The following ACBD6 variants were observed in gnomAD, a reference collection of about 807,000 sequenced individuals.
ACBD6 encodes the protein acyl-CoA binding domain containing 6.
Under a neutral mutation model 37.2 loss-of-function variants are expected in ACBD6, and 28 were observed. That is an observed-to-expected ratio of 0.75 (90% CI 0.56 to 1.03). ACBD6 has a LOEUF of 1.03. Ranked by LOEUF, ACBD6 falls within the 50% of genes least tolerant of loss-of-function variation. ACBD6 has a pLI of 0.00. For missense variants in ACBD6, 340 were observed against 337.4 expected, an observed-to-expected ratio of 1.01 and a Z score of -0.06; for synonymous variants, 113 against 126.8, an observed-to-expected ratio of 0.89 and a Z score of 0.73.
At chr1:180,402,547 G>A (rs1453931708) in intron 5 of ACBD6, among the ~76,000 whole-genome samples, 4 of 152,080 alleles carry the variant, frequency 2.6e-5, no homozygotes, top group East Asian at 1.9e-4. Context: ...GGCTGGGTGC[G>A]GTGGCTCATG....
chr1:180,322,563 C>T lies in ACBD6; in HGVS notation c.664-7841G>A, dbSNP rs143853593. On this transcript the variant is annotated intron_variant, in intron 6 of 7. Coordinates refer to ENST00000367595, the MANE Select transcript of ACBD6 (RefSeq NM_032360.4). The stretch of plus-strand genomic sequence containing the variant: ...ACTGGTCTGTTAAGGTTTTGGATTT[C>T]TTCATGGTTCAATCTTGGTAGGTTG... Among the ~76,000 whole-genome samples the T allele has an allele frequency of 2.7e-3, 416 of 152,094 alleles. 6 individuals carry two copies. The highest frequency in any genetic ancestry group is 0.015 in the East Asian group (77 of 5,186).
chr1:180,456,823 G>A (rs939115491), intron 3 of ACBD6, among the ~76,000 whole-genome samples: 6 of 151,898 alleles, frequency 4.0e-5, no homozygotes, highest in African/African-American at 9.7e-5. Flanking sequence ...TCAGCCTCCC[G>A]GGCTCAAGTG....
intron 6 of ACBD6, among the ~76,000 whole-genome samples, chr1:180,351,459 G>A (rs1434688420): frequency 6.6e-6 from 1 of 151,738 alleles, no homozygotes; most frequent in East Asian, 1.9e-4. Context: ...GTATTTTTTA[G>A]TAGAGACAGG....
intron 6 of ACBD6, among the ~76,000 whole-genome samples, chr1:180,392,647 T>C (rs1243000068): frequency 6.6e-6 from 1 of 152,162 alleles, no homozygotes; most frequent in African/African-American, 2.4e-5. Flanking sequence ...CATAAAATTC[T>C]TGACACATAG....
intron 2 of ACBD6, among the ~76,000 whole-genome samples, chr1:180,494,556 T>C (rs1557894377): frequency 6.6e-6 from 1 of 152,200 alleles, no homozygotes; most frequent in African/African-American, 2.4e-5. Context: ...TCAAGCTCTG[T>C]ATCTCCTAAC....
chr1:180,300,687 G>A (rs1650095978), intron 7 of ACBD6, among the ~76,000 whole-genome samples: 1 of 152,038 alleles, frequency 6.6e-6, no homozygotes, highest in Admixed American at 6.6e-5. Context: ...AGAAACAGAA[G>A]TTCTAGATCA....
intron 7 of ACBD6, among the ~76,000 whole-genome samples, chr1:180,304,835 C>T (rs1250548098): frequency 1.3e-5 from 2 of 151,720 alleles, no homozygotes; most frequent in East Asian, 3.9e-4. Flanking sequence ...AGGCATCACA[C>T]TACCTGACTT....
chr1:180,416,003 G>T (rs893230812), intron 4 of ACBD6, among the ~76,000 whole-genome samples: 2 of 152,024 alleles, frequency 1.3e-5, no homozygotes, highest in African/African-American at 4.8e-5. Flanking sequence ...AATACTTCAG[G>T]ATAGTATACA....
At chr1:180,392,094 T>C (rs761474294) in intron 6 of ACBD6, among the ~76,000 whole-genome samples, 7 of 152,198 alleles carry the variant, frequency 4.6e-5, no homozygotes, top group African/African-American at 7.2e-5. Context: ...TAAGAAGAGT[T>C]AGAACTAATC....
chr1:180,284,219 A>T (rs972205895), downstream of ACBD6, among the ~76,000 whole-genome samples: 2 of 152,220 alleles, frequency 1.3e-5, no homozygotes, highest in African/African-American at 2.4e-5. Context: ...CTTGAGTCTG[A>T]TAATCACTAT....
At position 180,502,555 on chromosome 1, in the gene ACBD6, C is replaced by G. The variant is rs1201492216; in HGVS notation, c.-289G>C. 2.2e-6 allele frequency: 1 copy of G among 462,658 alleles called. No homozygotes were observed. The highest frequency in any genetic ancestry group is 4.0e-6 in the Non-Finnish European group (1 of 249,116). The allele number at this position is 462,658 out of a possible 1,614,324, so 28.7% of individuals were successfully genotyped here. A position where few individuals can be genotyped will look rare whatever the true frequency, so the allele number is the denominator to read the frequency against. On this transcript the variant is annotated 5_prime_UTR_variant, in exon 1 of 8. Coordinates refer to ENST00000367595, the MANE Select transcript of ACBD6 (RefSeq NM_032360.4). ...TCAGGCTCGCCTCAGGCCCCTCCAA[C>G]GGAACAGGAGTCGAGGGGCAGTGAG...
Position 180,502,328 on chromosome 1 carries a change from C to G in ACBD6, c.-62G>C. 1 of 1,574,842 alleles carries G rather than the reference C, an allele frequency of 6.3e-7. No individual in the cohort carries two copies. The highest frequency in any genetic ancestry group is 8.7e-7 in the Non-Finnish European group (1 of 1,153,484). ...GTCCTCCTTGGATTGGGTGTAAGGC[C>G]GGCTTGGAGGCCTGGCCCACCAGTC... On this transcript the variant is annotated 5_prime_UTR_variant, in exon 1 of 8. Coordinates refer to ENST00000367595, the MANE Select transcript of ACBD6 (RefSeq NM_032360.4).
chr1:180,342,335 C>T (rs546359185), intron 6 of ACBD6, among the ~76,000 whole-genome samples: 2 of 151,986 alleles, frequency 1.3e-5, no homozygotes, highest in African/African-American at 4.8e-5. Context: ...TGTTTGTATG[C>T]GTCTAAGCAC....
At chr1:180,373,312 TTGC>T (rs1352853335) in intron 6 of ACBD6, among the ~76,000 whole-genome samples, 2 of 152,332 alleles carry the variant, frequency 1.3e-5, no homozygotes, top group African/African-American at 2.4e-5. Context: ...TTTTAGCACT[TTGC>T]TGCTATTTCA....
intron 6 of ACBD6, among the ~76,000 whole-genome samples, chr1:180,371,950 C>T (rs1316682981): frequency 1.3e-5 from 2 of 152,174 alleles, no homozygotes; most frequent in Non-Finnish European, 2.9e-5. Context: ...ACAAGGTCAA[C>T]AACTGCAGAT....
At chr1:180,423,209 A>G (rs1357878363) in intron 4 of ACBD6, among the ~76,000 whole-genome samples, 1 of 152,242 alleles carries the variant, frequency 6.6e-6, no homozygotes, top group African/African-American at 2.4e-5. Context: ...AAATTTCCAA[A>G]AAAGTTTCCA....
intron 4 of ACBD6, among the ~76,000 whole-genome samples, chr1:180,417,387 G>A (rs947798631): frequency 2.0e-5 from 3 of 151,998 alleles, no homozygotes; most frequent in African/African-American, 7.3e-5. Flanking sequence ...ACCAAAAGAC[G>A]GAGGCAAAAA....
At chr1:180,462,808 T>A (rs1447343595) in intron 3 of ACBD6, among the ~76,000 whole-genome samples, 1 of 152,100 alleles carries the variant, frequency 6.6e-6, no homozygotes, top group Non-Finnish European at 1.5e-5. Context: ...GTACTGACTC[T>A]AAAATCGGTC....
downstream of ACBD6, among the ~76,000 whole-genome samples, chr1:180,284,997 C>T (rs1649436426): frequency 1.3e-5 from 2 of 151,938 alleles, no homozygotes; most frequent in Non-Finnish European, 2.9e-5. Context: ...TTAGTTGAGC[C>T]TCGTGGTGTG....
Sources: allele counts gnomAD v4.1 joint callset (sites outside exome capture counted in the v4.1 genomes callset), GRCh38; gene constraint gnomAD v4.1.1; transcripts MANE v1.5; gene names NCBI Gene and HGNC (gene_info 2026-07-23, HGNC 2026-07-21).